Variants in EBF3 observed in about 807,000 individuals in gnomAD.
The protein encoded by EBF3 is EBF transcription factor 3, also known as transcription factor COE3.
A neutral mutation model predicts 77.1 loss-of-function variants in EBF3; 18 were observed. That is an observed-to-expected ratio of 0.23 (90% CI 0.16 to 0.35). EBF3 has a LOEUF of 0.35. Ranked by LOEUF, EBF3 falls within the 10% of genes least tolerant of loss-of-function variation. The pLI, the probability that EBF3 is intolerant of heterozygous loss-of-function variation, is 1.00. For missense variants in EBF3, 558 were observed against 860.0 expected (o/e 0.65, Z 4.39); for synonymous variants, 350 against 343.5 (o/e 1.02, Z -0.21).
intron 5 of EBF3, among the ~76,000 whole-genome samples, chr10:129,958,277 C>T (rs1859192221): frequency 3.3e-5 from 5 of 152,216 alleles, no homozygotes; most frequent in African/African-American, 4.8e-5. Flanking sequence ...AAGCCTGCAA[C>T]GCTTTCCTTG....
rs1859688826 is a variant in EBF3 at position 129,963,428 on chromosome 10, C to A, written c.230G>T (p.Arg77Met). 1.9e-6 allele frequency: 3 copies of A among 1,592,932 alleles called. No homozygotes were observed. Among genetic ancestry groups the A allele is most frequent in the East Asian group, 2.3e-5 (1 of 42,690 alleles). Residue 77 changes from arginine (R) to methionine (M), a missense_variant, in exon 2 of 17, where the codon AGG becomes ATG. By Grantham distance (91) the Arg-to-Met change is moderately conservative. This residue lies in a region of EBF3 where 84 missense variants were observed against 142.3 expected (regional missense o/e 0.59). Coordinates refer to ENST00000440978, the MANE Select transcript of EBF3 (RefSeq NM_001375380.1). The surrounding 1 kb of genome is among the most constrained non-coding windows in gnomAD (Gnocchi z 7.1). ...TTCAATCTCCACCGGCTGCCCCTGCCTATCGTAGAGCGCCAGCACGAAGTG... is the reference window on the plus strand; with the variant it reads ...TTCAATCTCCACCGGCTGCCCCTGCATATCGTAGAGCGCCAGCACGAAGTG... ...FFHFVLALYDRQGQPVEIERT... is the reference protein window; with the variant it reads ...FFHFVLALYDMQGQPVEIERT...
At chr10:129,883,722 T>G (rs1418318934) in intron 6 of EBF3, among the ~76,000 whole-genome samples, 1 of 107,004 alleles carries the variant, frequency 9.3e-6, no homozygotes, top group Non-Finnish European at 1.7e-5. Context: ...AACACAGTTT[T>G]AAAAGTCACC....
At chr10:129,839,266 G>T in intron 15 of EBF3, 71 bp from the exon 16 acceptor site, 1 of 692,148 alleles carries the variant, frequency 1.4e-6, no homozygotes, top group Non-Finnish European at 2.3e-6. Flanking sequence ...AACTGGATTT[G>T]AGTCACTGGG....
In EBF3 at chr10:129,841,576, G is replaced by C. The variant is rs927356053; in HGVS notation, c.1372+540C>G. Among the ~76,000 whole-genome samples, 1 of 152,158 alleles carries C rather than the reference G, an allele frequency of 6.6e-6. No homozygotes were observed. Among genetic ancestry groups the C allele is most frequent in the East Asian group, 1.9e-4 (1 of 5,186 alleles). On this transcript the variant is annotated intron_variant, in intron 13 of 16. Transcript: ENST00000440978. The surrounding 1 kb of genome is among the most constrained non-coding windows in gnomAD (Gnocchi z 4.6). Reference sequence around the variant, plus strand: ...ATAGTATGGGTGAGGTGTTTTCTAAGATCACTGCCTGCGCGCTTTTCAATG... The same window carrying C: ...ATAGTATGGGTGAGGTGTTTTCTAACATCACTGCCTGCGCGCTTTTCAATG...
rs1851648008 is a variant in EBF3, at chr10:129,861,654, AC to A, written c.1039+5486del. Among the ~76,000 whole-genome samples the A allele has an allele frequency of 6.6e-6, 1 of 152,122 alleles. No homozygotes were observed. Among genetic ancestry groups the A allele is most frequent in the Non-Finnish European group, 1.5e-5 (1 of 68,020 alleles). On this transcript the variant is annotated intron_variant, in intron 10 of 16. Transcript: ENST00000440978. The surrounding 1 kb of genome is among the most constrained non-coding windows in gnomAD (Gnocchi z 4.3). ...GTGGCTGCAGGAGGGCCCACTGCAG[AC>A]AGGAACGAACAGTCAGCCACGGGGG...
At chr10:129,949,530 C>A (rs1273053701) in intron 6 of EBF3, among the ~76,000 whole-genome samples, 1 of 152,170 alleles carries the variant, frequency 6.6e-6, no homozygotes, top group Non-Finnish European at 1.5e-5. Context: ...TTGATGCAGG[C>A]CCCATCACTG....
intron 6 of EBF3, among the ~76,000 whole-genome samples, chr10:129,945,588 G>A (rs117294484): frequency 0.033 from 5,030 of 152,276 alleles, 124 homozygotes; most frequent in Non-Finnish European, 0.043. Flanking sequence ...GGCTGGCTGT[G>A]AACTAGCAGA....
rs1296721901 is a variant in EBF3, at chr10:129,848,463, T to C, written c.1057A>G (p.Ile353Val). The part of the protein sequence containing the change: ...FVYTALNEPT[I>V]DYGFQRLQKV... ...TGCAACCTCTGAAAGCCGTAATCTA[T>C]GGTTGGTTCATTAAGGGCTGCAACA... Residue 353 changes from isoleucine to valine, a missense_variant, in exon 11 of 17, where the codon ATA (isoleucine) becomes GTA (valine). Coordinates refer to ENST00000440978, the MANE Select transcript of EBF3 (RefSeq NM_001375380.1). This position sits in a 1 kb window ranked among gnomAD's most constrained non-coding sequence, Gnocchi z 4.4. The C allele has an allele frequency of 1.9e-5, 31 of 1,614,126 alleles. No homozygotes were observed. The highest frequency in any genetic ancestry group is 2.6e-5 in the Non-Finnish European group (31 of 1,180,046).
At chr10:129,921,065 A>G (rs2134355952) in intron 6 of EBF3, among the ~76,000 whole-genome samples, 1 of 152,356 alleles carries the variant, frequency 6.6e-6, no homozygotes, top group Admixed American at 6.5e-5. Flanking sequence ...GCTCCAGCAT[A>G]GACAGAGTCA....
In EBF3 at chr10:129,840,113, A is replaced by T; in HGVS notation, c.1759+132T>A. Reference sequence around the variant, plus strand: ...TGAACACCAGGCAGAGGTGGCACGCATCAAGGTGGGCCACGGGAGAACATG... The same window carrying T: ...TGAACACCAGGCAGAGGTGGCACGCTTCAAGGTGGGCCACGGGAGAACATG... On this transcript the variant is annotated intron_variant, in intron 15 of 16. Coordinates refer to ENST00000440978, the MANE Select transcript of EBF3 (RefSeq NM_001375380.1). 5.0e-6 allele frequency: 6 copies of T among 1,205,874 alleles called. No individual in the cohort carries two copies. The South Asian group carries it at 7.6e-5, about 15-fold the overall frequency. The allele number at this position is 1,205,874 out of a possible 1,614,324, so 74.7% of individuals were successfully genotyped here.
intron 6 of EBF3, among the ~76,000 whole-genome samples, chr10:129,881,425 T>A (rs1179217295): frequency 6.6e-6 from 1 of 152,174 alleles, no homozygotes; most frequent in Non-Finnish European, 1.5e-5. Context: ...GGGCTTTATT[T>A]ACTTGTTTCT....
chr10:129,961,816 A>G (rs184580572), intron 4 of EBF3, among the ~76,000 whole-genome samples: 2 of 152,222 alleles, frequency 1.3e-5, no homozygotes, highest in East Asian at 1.9e-4. Context: ...TTGTTATAGG[A>G]AAAAAAATCC....
intron 6 of EBF3, among the ~76,000 whole-genome samples, chr10:129,923,808 C>T (rs1856467603): frequency 1.3e-5 from 2 of 152,102 alleles, no homozygotes; most frequent in Non-Finnish European, 2.9e-5. Flanking sequence ...CATGAAAATT[C>T]AAAAGTTTTG....
At chr10:129,851,403 C>T (rs1046650364) in intron 10 of EBF3, among the ~76,000 whole-genome samples, 2 of 152,154 alleles carry the variant, frequency 1.3e-5, no homozygotes, top group African/African-American at 4.8e-5. Context: ...ACTTGGTTCC[C>T]GAGCAATTTA....
chr10:129,926,446 C>T (rs935894725), intron 6 of EBF3, among the ~76,000 whole-genome samples: 3 of 152,178 alleles, frequency 2.0e-5, no homozygotes, highest in African/African-American at 7.2e-5. Context: ...GTGGAGCTGG[C>T]ACCACACACA....
At chr10:129,962,847 A>G in intron 3 of EBF3, 95 bp downstream of exon 3, 2 of 1,436,474 alleles carry the variant, frequency 1.4e-6, no homozygotes, top group South Asian at 2.4e-5. Context: ...GTTTACATCC[A>G]TGTCATTTTA....
Position 129,854,505 on chromosome 10 carries a change from GA to G in EBF3, c.1040-6026del, listed in dbSNP as rs11370096. Among the ~76,000 whole-genome samples the G allele has an allele frequency of 3.2e-4, 48 of 150,316 alleles. 1 individual carries two copies. Among genetic ancestry groups the G allele is most frequent in the African/African-American group, 1.0e-3 (41 of 41,100 alleles). On this transcript the variant is annotated intron_variant, in intron 10 of 16. Coordinates refer to ENST00000440978, the MANE Select transcript of EBF3 (RefSeq NM_001375380.1). The stretch of plus-strand genomic sequence containing the variant: ...TCTATTTCAGTAACAAGCAAAAATA[GA>G]AAAAAAAAATCTGCCTTCCTGATAC...
chr10:129,925,428 T>G (rs1230654603), intron 6 of EBF3, among the ~76,000 whole-genome samples: 1 of 151,610 alleles, frequency 6.6e-6, no homozygotes, highest in African/African-American at 2.4e-5. Flanking sequence ...CCGTTTCTAC[T>G]AAAAATACAA....
chr10:129,849,117 G>A (rs1437841208), intron 10 of EBF3, among the ~76,000 whole-genome samples: 3 of 152,182 alleles, frequency 2.0e-5, no homozygotes, highest in Admixed American at 6.5e-5. Context: ...ACTGTGCGCG[G>A]CCATAAATCA....
Sources: gnomAD v4.1 joint callset for allele counts (sites outside exome capture counted in the v4.1 genomes callset) on GRCh38, gnomAD v4.1.1 for gene constraint, gnomAD v4.1.1 regional missense constraint, Gnocchi (gnomAD v3.1) non-coding constraint, MANE v1.5 for transcripts, NCBI Gene and HGNC (gene_info 2026-07-23, HGNC 2026-07-21) for gene names.